Variants in VIT observed in about 807,000 individuals in gnomAD.
The protein encoded by VIT is vitrin.
A neutral mutation model predicts 78.0 loss-of-function variants in VIT; 99 were observed. That is an observed-to-expected ratio of 1.27 (90% CI 1.08 to 1.50). The LOEUF (loss-of-function observed/expected upper bound fraction) is 1.50. Among genes scored for constraint, VIT ranks in the 40% most tolerant of loss-of-function variants. The pLI, the probability that VIT is intolerant of heterozygous loss-of-function variation, is 0.00. For missense variants in VIT, 1,126 were observed against 875.3 expected, an observed-to-expected ratio of 1.29 and a Z score of -3.61; for synonymous variants, 374 against 334.3, an observed-to-expected ratio of 1.12 and a Z score of -1.29.
intron 13 of VIT, among the ~76,000 whole-genome samples, chr2:36,803,012 A>G (rs963148120): frequency 2.6e-5 from 4 of 152,214 alleles, no homozygotes; most frequent in South Asian, 2.1e-4. Flanking sequence ...GAATTTTGCC[A>G]TGGCAACCTC....
intron 3 of VIT, among the ~76,000 whole-genome samples, chr2:36,735,146 G>T (rs1667437356): frequency 6.6e-6 from 1 of 151,952 alleles, no homozygotes; most frequent in African/African-American, 2.4e-5. Context: ...GGGCAACAGA[G>T]CGAGACTCTG....
chr2:36,749,041 C>G (rs948363874), intron 4 of VIT, among the ~76,000 whole-genome samples: 1 of 152,160 alleles, frequency 6.6e-6, no homozygotes. Context: ...GGTCCTGCAT[C>G]TTTCATCATA....
At chr2:36,736,700 G>T (rs1293976373) in intron 3 of VIT, among the ~76,000 whole-genome samples, 3 of 152,260 alleles carry the variant, frequency 2.0e-5, no homozygotes, top group African/African-American at 7.2e-5. Flanking sequence ...GTATGTAAAG[G>T]AAAGCCTTGC....
At chr2:36,750,515 A>G (rs1456633678) in intron 4 of VIT, among the ~76,000 whole-genome samples, 1 of 152,180 alleles carries the variant, frequency 6.6e-6, no homozygotes, top group Non-Finnish European at 1.5e-5. Context: ...GACCTCACCA[A>G]AGATGACATT....
In VIT at chr2:36,754,834, T is replaced by G. The variant is rs529495677; in HGVS notation, c.276-87T>G. On this transcript the variant is annotated intron_variant, in intron 4 of 15. Coordinates refer to ENST00000379242, the MANE Select transcript of VIT (RefSeq NM_053276.4). The stretch of plus-strand genomic sequence containing the variant: ...ACCTTGCTGCTTTCCTATGTGTAAA[T>G]AAAGATGGCGACTGGTTTTCTAGCC... The G allele has an allele frequency of 4.0e-5, 58 of 1,465,522 alleles. No homozygotes were observed. In the South Asian group the frequency reaches 6.3e-4, roughly 16 times the overall value. 90.8% of individuals were successfully genotyped at this position (1,465,522 alleles called of 1,614,324 possible).
At chr2:36,701,377 A>G (rs1012508815) in intron 1 of VIT, among the ~76,000 whole-genome samples, 21 of 152,204 alleles carry the variant, frequency 1.4e-4, no homozygotes, top group Non-Finnish European at 2.6e-4. Flanking sequence ...CTGGAAGGTT[A>G]ACTCAGCAGC....
chr2:36,700,927 G>A (rs35559768), intron 1 of VIT, among the ~76,000 whole-genome samples: 51,802 of 151,628 alleles, frequency 0.34, 9,821 homozygotes, highest in Middle Eastern at 0.51. Flanking sequence ...TAAGTTGTCC[G>A]AAGCCACACA....
intron 9 of VIT, among the ~76,000 whole-genome samples, chr2:36,781,228 T>C (rs1664730814): frequency 1.3e-5 from 2 of 152,196 alleles, no homozygotes; most frequent in African/African-American, 4.8e-5. Flanking sequence ...TAGAACGATA[T>C]TAGGCATATA....
intron 3 of VIT, among the ~76,000 whole-genome samples, chr2:36,739,861 C>T (rs1667732469): frequency 6.6e-6 from 1 of 152,160 alleles, no homozygotes; most frequent in Non-Finnish European, 1.5e-5. Context: ...TTGGTGTGGA[C>T]TTTCCCTCAC....
chr2:36,723,754 A>G (rs1283527294), intron 2 of VIT, among the ~76,000 whole-genome samples: 1 of 152,108 alleles, frequency 6.6e-6, no homozygotes, highest in Admixed American at 6.6e-5. Flanking sequence ...GAAAGAAAAG[A>G]CAGCCTGGGT....
chr2:36,805,976 G>T (rs941144997), intron 14 of VIT, among the ~76,000 whole-genome samples: 1 of 151,904 alleles, frequency 6.6e-6, no homozygotes, highest in African/African-American at 2.4e-5. Context: ...GCATGCAAGC[G>T]AACATACTCT....
At chr2:36,795,833 G>C (rs1665857794) in intron 12 of VIT, among the ~76,000 whole-genome samples, 1 of 152,146 alleles carries the variant, frequency 6.6e-6, no homozygotes, top group Non-Finnish European at 1.5e-5. Flanking sequence ...ATGTAGTGCT[G>C]AAATGCTAGC....
chr2:36,787,757 T>C (rs1439522200), intron 12 of VIT: 1 of 443,300 alleles, frequency 2.3e-6, no homozygotes, highest in Admixed American at 2.5e-5. Context: ...GTGCTTTAGG[T>C]TGTATCTTCT....
At position 36,814,319 on chromosome 2, in the gene VIT, C is replaced by A; in HGVS notation, c.2040C>A (p.Ile680=). 1 of 1,614,220 alleles carries A rather than the reference C, an allele frequency of 6.2e-7. No individual in the cohort carries two copies. Among genetic ancestry groups the A allele is most frequent in the South Asian group, 1.1e-5 (1 of 91,080 alleles). ...DNLHQYVPRI[I]QNICTEFNSQ... is the part of the protein sequence containing the mutation. ...TCCATCAGTATGTCCCCAGGATCATCCAGAACATTTGTACAGAGTTCAACT... is the reference window on the plus strand; with the variant it reads ...TCCATCAGTATGTCCCCAGGATCATACAGAACATTTGTACAGAGTTCAACT... The change falls in exon 16 of 16, where the codon ATC becomes ATA. Residue 680 remains isoleucine, a synonymous_variant. Transcript: ENST00000379242.
At chr2:36,755,276 T>C (rs909826237) in intron 5 of VIT, among the ~76,000 whole-genome samples, 3 of 152,260 alleles carry the variant, frequency 2.0e-5, no homozygotes, top group African/African-American at 7.2e-5. Context: ...ATGCTTGTTT[T>C]AATTACACTG....
intron 3 of VIT, among the ~76,000 whole-genome samples, chr2:36,731,826 A>C (rs1049317697): frequency 6.6e-6 from 1 of 152,178 alleles, no homozygotes; most frequent in African/African-American, 2.4e-5. Flanking sequence ...GCTCTCCACA[A>C]CTGAAACTTT....
At chr2:36,738,531 C>T (rs1667645441) in intron 3 of VIT, among the ~76,000 whole-genome samples, 2 of 152,190 alleles carry the variant, frequency 1.3e-5, no homozygotes, top group East Asian at 3.8e-4. Context: ...CCTCTGTCAT[C>T]CAATCACTCC....
chr2:36,736,783 C>T (rs1008060510), intron 3 of VIT, among the ~76,000 whole-genome samples: 10 of 152,304 alleles, frequency 6.6e-5, no homozygotes, highest in South Asian at 2.1e-4. Context: ...GCACTTTCTC[C>T]GTCAAGTACT....
chr2:36,747,975 G>C (rs369811891), intron 4 of VIT, among the ~76,000 whole-genome samples: 1 of 152,112 alleles, frequency 6.6e-6, no homozygotes, highest in Admixed American at 6.6e-5. Flanking sequence ...TTTCTCCTTT[G>C]CTTATGAAGC....
Sources: gnomAD v4.1 joint callset for allele counts (sites outside exome capture counted in the v4.1 genomes callset) on GRCh38, gnomAD v4.1.1 for gene constraint, MANE v1.5 for transcripts, NCBI Gene and HGNC (gene_info 2026-07-23, HGNC 2026-07-21) for gene names.